Variants in ALAD observed in about 807,000 individuals in gnomAD.
ALAD encodes aminolevulinate dehydratase, also known as delta-aminolevulinic acid dehydratase.
ALAD carries 20 observed loss-of-function variants against 44.4 expected under a neutral mutation model. That is an observed-to-expected ratio of 0.45 (90% CI 0.32 to 0.65). The LOEUF (loss-of-function observed/expected upper bound fraction) is 0.65, where lower values mean the gene tolerates loss of function less well. ALAD is among the 30% of genes least tolerant of loss of function. The pLI, the probability that ALAD is intolerant of heterozygous loss-of-function variation, is 0.05. For synonymous variants in ALAD, 156 were observed against 167.9 expected (o/e 0.93, Z 0.55); for missense variants, 323 against 445.7 (o/e 0.72, Z 2.48).
chr9:113,397,872 G>A lies in ALAD; in HGVS notation c.-76+3340C>T, dbSNP rs376766608. Among the ~76,000 whole-genome samples, 5 of 152,160 alleles carry A rather than the reference G, an allele frequency of 3.3e-5. No individual in the cohort carries two copies. In the East Asian group the frequency reaches 9.7e-4, roughly 29 times the overall value. On this transcript the variant is annotated intron_variant, in intron 1 of 11. Transcript: ENST00000409155. ...ACTCCTGACTTCAAGTGATCCGCCCGCCTCTGCCTCCCAAAGTGCTGGGAT... is the reference window on the plus strand; with the variant it reads ...ACTCCTGACTTCAAGTGATCCGCCCACCTCTGCCTCCCAAAGTGCTGGGAT...
intron 1 of ALAD, among the ~76,000 whole-genome samples, chr9:113,394,589 G>A (rs1286618552): frequency 6.8e-6 from 1 of 146,034 alleles, no homozygotes; most frequent in Admixed American, 6.7e-5. Context: ...TCAATAAATT[G>A]GAAATAGAAA....
At chr9:113,393,107 C>T (rs912237402) in intron 2 of ALAD, 27 of 303,448 alleles carry the variant, frequency 8.9e-5, no homozygotes, top group South Asian at 5.7e-4. Context: ...CGTGAGCCAC[C>T]GTGCCCAGCC....
chr9:113,399,937 G>A (rs1827815476), intron 1 of ALAD, among the ~76,000 whole-genome samples: 3 of 152,356 alleles, frequency 2.0e-5, no homozygotes, highest in South Asian at 2.1e-4. Flanking sequence ...TCTGAAAAGA[G>A]ATGAAGTGTT....
Position 113,387,053 on chromosome 9 carries a change from A to C in ALAD, c.*1247T>G, listed in dbSNP as rs1564365434. 1 of 152,148 alleles carries C rather than the reference A, an allele frequency of 6.6e-6. No individual in the cohort carries two copies. Among genetic ancestry groups the C allele is most frequent in the Non-Finnish European group, 1.5e-5 (1 of 68,056 alleles). 9.4% of individuals were successfully genotyped at this position (152,148 alleles called of 1,614,324 possible). A position where few individuals can be genotyped will look rare whatever the true frequency, so the allele number is the denominator to read the frequency against. The stretch of plus-strand genomic sequence containing the variant: ...TGTTAAAATACTTTTACAAACTACA[A>C]ATTTGATTGAGTCACTCTGAAAAGG... On this transcript the variant is annotated 3_prime_UTR_variant, in exon 12 of 12. Transcript: ENST00000409155.
In ALAD at chr9:113,392,302, G is replaced by T; in HGVS notation, c.114-133C>A. On this transcript the variant is annotated intron_variant, in intron 2 of 11. Coordinates refer to ENST00000409155, the MANE Select transcript of ALAD (RefSeq NM_000031.6). Reference sequence around the variant, plus strand: ...GATGGTGGGAGGAGGATGGGATCCAGTGTCTGGCTTCCCTGCCTGGCCAAG... The same window carrying T: ...GATGGTGGGAGGAGGATGGGATCCATTGTCTGGCTTCCCTGCCTGGCCAAG... 1.9e-6 allele frequency: 3 copies of T among 1,574,920 alleles called. No individual in the cohort carries two copies. The South Asian group carries it at 3.5e-5, about 18-fold the overall frequency.
chr9:113,396,053 G>A (rs778299480), intron 1 of ALAD, among the ~76,000 whole-genome samples: 8 of 151,998 alleles, frequency 5.3e-5, no homozygotes, highest in Non-Finnish European at 7.4e-5. Flanking sequence ...AAAATTAGCC[G>A]GGTGTGGTGG....
chr9:113,395,718 G>A (rs1272082010), intron 1 of ALAD, among the ~76,000 whole-genome samples: 5 of 152,198 alleles, frequency 3.3e-5, no homozygotes, highest in Non-Finnish European at 5.9e-5. Context: ...GACCAGAAGT[G>A]AGCCATGGCT....
chr9:113,397,301 G>T (rs978864984), intron 1 of ALAD: 1 of 152,202 alleles, frequency 6.6e-6, no homozygotes, highest in Non-Finnish European at 1.5e-5. Context: ...AGAAACAGTG[G>T]GGCAGGGCTG....
intron 1 of ALAD, among the ~76,000 whole-genome samples, chr9:113,400,211 C>T (rs1464039330): frequency 6.6e-6 from 1 of 152,190 alleles, no homozygotes; most frequent in Admixed American, 6.5e-5. Flanking sequence ...GACACAGGCC[C>T]AGGATCACGC....
chr9:113,390,707 C>G, intron 5 of ALAD, 31 bp from the exon 6 acceptor site: 1 of 1,608,784 alleles, frequency 6.2e-7, no homozygotes, highest in Non-Finnish European at 8.5e-7. Flanking sequence ...TTTTGGGGAG[C>G]ACCTTGGGCC....
At position 113,390,396 on chromosome 9, in the gene ALAD, T is replaced by C; in HGVS notation, c.570+9A>G. Reference sequence around the variant, plus strand: ...CCTGCCAGCCCTGTGCTGCATTCCCTGCCCTTACCCTGTTGCCAAGTCCAT... The same window carrying C: ...CCTGCCAGCCCTGTGCTGCATTCCCCGCCCTTACCCTGTTGCCAAGTCCAT... On this transcript the variant is annotated intron_variant, in intron 7 of 11. Transcript: ENST00000409155. 13 of 1,613,822 alleles carry C rather than the reference T, an allele frequency of 8.1e-6. No individual in the cohort carries two copies. The highest frequency in any genetic ancestry group is 1.1e-5 in the Non-Finnish European group (13 of 1,179,906).
chr9:113,393,507 G>T lies in ALAD; in HGVS notation c.53C>A (p.Ala18Asp). The T allele has an allele frequency of 6.2e-7, 1 of 1,613,998 alleles. No homozygotes were observed. The highest frequency in any genetic ancestry group is 8.5e-7 in the Non-Finnish European group (1 of 1,179,998). Reference sequence around the variant, plus strand: ...GAGGGTGGTGGTGGCTGTCTGCCAGGCCCGAAGTAGTGGGTGGAAGTAGCC... The same window carrying T: ...GAGGGTGGTGGTGGCTGTCTGCCAGTCCCGAAGTAGTGGGTGGAAGTAGCC... ...HSGYFHPLLR[A>D]WQTATTTLNA... Residue 18 changes from alanine to aspartate, a missense_variant, in exon 2 of 12, where the codon GCC becomes GAC. By Grantham distance (126) the Ala-to-Asp change is moderately radical (BLOSUM62 -2). Transcript: ENST00000409155.
chr9:113,388,254 C>G lies in ALAD; in HGVS notation c.*46G>C. The G allele has an allele frequency of 6.3e-7, 1 of 1,599,166 alleles. No homozygotes were observed. Among genetic ancestry groups the G allele is most frequent in the Non-Finnish European group, 8.6e-7 (1 of 1,166,438 alleles). On this transcript the variant is annotated 3_prime_UTR_variant, in exon 12 of 12. Coordinates refer to ENST00000409155, the MANE Select transcript of ALAD (RefSeq NM_000031.6). ...TTTGGTTTTCACTTGTCTGAGGCCCCGGGAACGTTTTAAAGTTCTAGTTCT... is the reference window on the plus strand; with the variant it reads ...TTTGGTTTTCACTTGTCTGAGGCCCGGGGAACGTTTTAAAGTTCTAGTTCT...
rs1242088556 is a variant in ALAD at position 113,388,108 on chromosome 9, T to C, written c.*192A>G. 14 of 650,924 alleles carry C rather than the reference T, an allele frequency of 2.2e-5. No homozygotes were observed. The highest frequency in any genetic ancestry group is 3.9e-5 in the Non-Finnish European group (14 of 359,692). 40.3% of individuals were successfully genotyped at this position (650,924 alleles called of 1,614,324 possible). A position where few individuals can be genotyped will look rare whatever the true frequency, so the allele number is the denominator to read the frequency against. ...GGGCGGGGAAGCTTGGGAGAGCTCA[T>C]AGGATGCAGCTGCGAGTTACAAGAG... On this transcript the variant is annotated 3_prime_UTR_variant, in exon 12 of 12. Coordinates refer to ENST00000409155, the MANE Select transcript of ALAD (RefSeq NM_000031.6).
At chr9:113,394,111 G>A (rs901056836) in intron 1 of ALAD, among the ~76,000 whole-genome samples, 7 of 151,446 alleles carry the variant, frequency 4.6e-5, no homozygotes, top group Non-Finnish European at 7.4e-5. Context: ...GCTAATTTTC[G>A]AATTTTTTGT....
At chr9:113,388,752 T>C (rs1016078279) in intron 11 of ALAD, among the ~76,000 whole-genome samples, 4 of 152,200 alleles carry the variant, frequency 2.6e-5, no homozygotes, top group African/African-American at 9.6e-5. Context: ...TTCAGAGAAG[T>C]GGCTTGCCCA....
chr9:113,398,690 G>A (rs1200389441), intron 1 of ALAD, among the ~76,000 whole-genome samples: 1 of 152,136 alleles, frequency 6.6e-6, no homozygotes, highest in East Asian at 1.9e-4. Flanking sequence ...AAGAGGCAAC[G>A]GGACTTTTGG....
At chr9:113,389,349 G>A in intron 10 of ALAD, 89 bp downstream of exon 10, 1 of 1,516,574 alleles carries the variant, frequency 6.6e-7, no homozygotes. Flanking sequence ...ATGCTTAAGG[G>A]CAAACTGCTT....
At position 113,392,244 on chromosome 9, in the gene ALAD, G is replaced by C. The variant is rs753962337; in HGVS notation, c.114-75C>G. On this transcript the variant is annotated intron_variant, in intron 2 of 11. Coordinates refer to ENST00000409155, the MANE Select transcript of ALAD (RefSeq NM_000031.6). ...TGGTGCGGGGGCGACTGAGAGGGAT[G>C]GTTGGGAAGCAGGAAAGAAATATGG... 2.5e-6 allele frequency: 4 copies of C among 1,610,152 alleles called. No individual in the cohort carries two copies. In the East Asian group the frequency reaches 8.9e-5, roughly 36 times the overall value.
Sources: gnomAD v4.1 joint callset for allele counts (sites outside exome capture counted in the v4.1 genomes callset) on GRCh38, gnomAD v4.1.1 for gene constraint, MANE v1.5 for transcripts, NCBI Gene and HGNC (gene_info 2026-07-23, HGNC 2026-07-21) for gene names.